ERAP2: variants seen among roughly 807,000 people sequenced by gnomAD.
ERAP2 encodes the protein leukocyte-derived arginine aminopeptidase.
ERAP2 carries 118 observed loss-of-function variants against 111.1 expected under a neutral mutation model. The observed-to-expected ratio is 1.06, with a 90% CI of 0.92 to 1.24. ERAP2 has a LOEUF of 1.24. ERAP2 is among the 50% of genes most tolerant of loss of function. The pLI is 0.00. For synonymous variants in ERAP2, 410 were observed against 401.2 expected (o/e 1.02, Z -0.26); for missense variants, 1,131 against 1,125.8 (o/e 1.00, Z -0.07).
chr5:96,907,439 T>C (rs1268666763), intron 13 of ERAP2, among the ~76,000 whole-genome samples: 1 of 152,262 alleles, frequency 6.6e-6, no homozygotes, highest in East Asian at 1.9e-4. Context: ...ATAAAGTAGT[T>C]TTAATATGTC....
chr5:96,887,610 G>T (rs1783894022), intron 4 of ERAP2, among the ~76,000 whole-genome samples: 1 of 151,988 alleles, frequency 6.6e-6, no homozygotes, highest in Non-Finnish European at 1.5e-5. Flanking sequence ...GTTTCCAACT[G>T]TTTTTTATAA....
chr5:96,883,659 A>T, intron 2 of ERAP2, 133 bp from the exon 3 acceptor site: 1 of 856,722 alleles, frequency 1.2e-6, no homozygotes, highest in Non-Finnish European at 1.8e-6. Flanking sequence ...GACAGTTGAG[A>T]TTCACAAAGA....
At chr5:96,905,775 T>C (rs1460767641) in intron 13 of ERAP2, among the ~76,000 whole-genome samples, 2 of 152,062 alleles carry the variant, frequency 1.3e-5, no homozygotes, top group East Asian at 3.9e-4. Context: ...TCCCAGCTAC[T>C]TGGGTGGCTG....
chr5:96,887,023 G>A lies in ERAP2; in HGVS notation c.849+234G>A, dbSNP rs1783800045. 2.0e-5 allele frequency among the ~76,000 whole-genome samples: 3 copies of A among 148,586 alleles called. No homozygotes were observed. In the Admixed American group the frequency reaches 2.0e-4, roughly 10 times the overall value. Reference sequence around the variant, plus strand: ...TATATGTATGTCAGCATATATGGGTGTACATAGTAACAGTATTTACTTACT... The same window carrying A: ...TATATGTATGTCAGCATATATGGGTATACATAGTAACAGTATTTACTTACT... On this transcript the variant is annotated intron_variant, in intron 4 of 18. Coordinates refer to ENST00000437043, the MANE Select transcript of ERAP2 (RefSeq NM_022350.5).
chr5:96,899,973 C>CT (rs1231496926), intron 9 of ERAP2, 148 bp from the exon 10 acceptor site: 4 of 958,624 alleles, frequency 4.2e-6, no homozygotes, highest in East Asian at 5.1e-5. Context: ...GCAAACATGC[C>CT]TTTTTTTCCA....
Position 96,917,632 on chromosome 5 carries a change from C to T in ERAP2, c.*27C>T, listed in dbSNP as rs370227654. 5.4e-5 allele frequency: 86 copies of T among 1,586,180 alleles called. No individual in the cohort carries two copies. Among genetic ancestry groups the T allele is most frequent in the Admixed American group, 1.0e-4 (6 of 58,298 alleles). On this transcript the variant is annotated 3_prime_UTR_variant, in exon 19 of 19. Coordinates refer to ENST00000437043, the MANE Select transcript of ERAP2 (RefSeq NM_022350.5). ...TGGTCAATAGAAAAAGTAGGCTGGGCGCGGTGGCTCACGCCTGTAATCCCA... is the reference window on the plus strand; with the variant it reads ...TGGTCAATAGAAAAAGTAGGCTGGGTGCGGTGGCTCACGCCTGTAATCCCA...
chr5:96,903,395 A>G lies in ERAP2; in HGVS notation c.1847A>G (p.Glu616Gly). ...KSKTDTLDLP[E>G]KTSWVKFNVD... ...CTCTTAGATACTCTGGATCTACCTG[A>G]AAAGACCAGTTGGGTGAAATTTAAT... The change falls in exon 13 of 19, where the codon GAA (glutamate) becomes GGA (glycine). Residue 616 changes from glutamate to glycine, a missense_variant. Transcript: ENST00000437043. The G allele has an allele frequency of 6.2e-7, 1 of 1,612,888 alleles. No homozygotes were observed. The highest frequency in any genetic ancestry group is 1.7e-5 in the Admixed American group (1 of 59,812).
chr5:96,887,563 G>A (rs1023381628), intron 4 of ERAP2, among the ~76,000 whole-genome samples: 1 of 152,136 alleles, frequency 6.6e-6, no homozygotes, highest in Non-Finnish European at 1.5e-5. Context: ...GCCTCCCAAA[G>A]TGTTGGGATT....
chr5:96,879,651 C>T lies in ERAP2; in HGVS notation c.-35C>T, dbSNP rs1405770821. The T allele has an allele frequency of 1.9e-5, 30 of 1,577,416 alleles. No homozygotes were observed. The highest frequency in any genetic ancestry group is 2.5e-5 in the Non-Finnish European group (29 of 1,149,320). On this transcript the variant is annotated 5_prime_UTR_variant, in exon 2 of 19. Coordinates refer to ENST00000437043, the MANE Select transcript of ERAP2 (RefSeq NM_022350.5). The stretch of plus-strand genomic sequence containing the variant: ...TGCCATGAAGAACTACGAGATTAGC[C>T]TGGATATTAACTTGTCTTCTAGAGA...
rs921528493 is a variant in ERAP2, at chr5:96,895,163, AGTT to A, written c.1126-82_1126-80del. On this transcript the variant is annotated intron_variant, in intron 6 of 18. Coordinates refer to ENST00000437043, the MANE Select transcript of ERAP2 (RefSeq NM_022350.5). ...GAGAGATCCTAACTAATAAAAAAAA[AGTT>A]AGTAACTATTGTATTTTTTGCTAAA... 8.4e-4 allele frequency: 655 copies of A among 776,066 alleles called. 5 individuals carry two copies. In the African/African-American group the frequency reaches 0.012, roughly 15 times the overall value. The allele number at this position is 776,066 out of a possible 1,614,324, so 48.1% of individuals were successfully genotyped here. A position where few individuals can be genotyped will look rare whatever the true frequency, so the allele number is the denominator to read the frequency against.
Position 96,879,783 on chromosome 5 carries a change from G to T in ERAP2, c.98G>T (p.Cys33Phe). 6.2e-7 allele frequency: 1 copy of T among 1,614,154 alleles called. No homozygotes were observed. The highest frequency in any genetic ancestry group is 8.5e-7 in the Non-Finnish European group (1 of 1,180,016). The change falls in exon 2 of 19, where the codon TGC becomes TTC. Residue 33 changes from cysteine (C) to phenylalanine (F), a missense_variant. By Grantham distance (205) the Cys-to-Phe change is radical. Around this residue, in one of 3 missense-constraint regions of ERAP2, gnomAD observed 847 missense variants for 856.5 expected, o/e 0.99. Coordinates refer to ENST00000437043, the MANE Select transcript of ERAP2 (RefSeq NM_022350.5). ...YCLTAILPQI[C>F]ICSQFSVPSS... ...TTAACAGCCATCTTGCCCCAAATATGCATTTGTTCTCAGTTCTCAGTGCCA... is the reference window on the plus strand; with the variant it reads ...TTAACAGCCATCTTGCCCCAAATATTCATTTGTTCTCAGTTCTCAGTGCCA...
chr5:96,885,583 T>C (rs1783634715), intron 3 of ERAP2, among the ~76,000 whole-genome samples: 1 of 152,336 alleles, frequency 6.6e-6, no homozygotes, highest in South Asian at 2.1e-4. Flanking sequence ...ATGGTAATGC[T>C]TCAAGCTATT....
intron 4 of ERAP2, among the ~76,000 whole-genome samples, chr5:96,888,158 G>GA (rs869172730): frequency 1.0e-5 from 1 of 97,376 alleles, no homozygotes. Context: ...AAGAATAAAA[G>GA]AAAAAAAAAG....
At chr5:96,895,431 GAAT>G in intron 7 of ERAP2, 72 bp downstream of exon 7, 1 of 1,109,490 alleles carries the variant, frequency 9.0e-7, no homozygotes, top group Non-Finnish European at 1.3e-6. Context: ...AATTTCAAGT[GAAT>G]GTTAAACAGA....
upstream of ERAP2, chr5:96,876,040 G>C (rs1289633190): frequency 2.0e-5 from 3 of 152,450 alleles, no homozygotes; most frequent in Non-Finnish European, 4.4e-5. Flanking sequence ...TGGAAAATCT[G>C]AGAATAATCA....
In ERAP2 at chr5:96,889,613, G is replaced by A. The variant is rs149275094; in HGVS notation, c.970+308G>A. 4,603 of 651,076 alleles carry A rather than the reference G, an allele frequency of 7.1e-3. 25 individuals carry two copies. Among genetic ancestry groups the A allele is most frequent in the Non-Finnish European group, 8.3e-3 (3,005 of 363,600 alleles). The allele number at this position is 651,076 out of a possible 1,614,324, so 40.3% of individuals were successfully genotyped here. A position where few individuals can be genotyped will look rare whatever the true frequency, so the allele number is the denominator to read the frequency against. ...GGCTGGGACGGAAGCCAGGTAGAGG[G>A]TCCAGGAAAGAGATGGGGAGAAAAA... On this transcript the variant is annotated intron_variant, in intron 5 of 18. Transcript: ENST00000437043.
rs201327810 is a variant in ERAP2, at chr5:96,889,330, T to C, written c.970+25T>C. On this transcript the variant is annotated intron_variant, in intron 5 of 18. Transcript: ENST00000437043. ...GGTATGTTCAAATTCCACATTATTG[T>C]CTTCATTTTTGCTCATAAAACTTGC... 1.0e-4 allele frequency: 165 copies of C among 1,613,530 alleles called. 2 individuals are homozygous for C. The Middle Eastern group carries it at 1.3e-3, about 13-fold the overall frequency.
At chr5:96,912,819 A>T (rs537846656) in intron 16 of ERAP2, 21 bp downstream of exon 16, 1 of 1,574,442 alleles carries the variant, frequency 6.4e-7, no homozygotes, top group African/African-American at 1.4e-5. Flanking sequence ...TAATTTAACT[A>T]AATTGTTATA....
At chr5:96,896,640 A>C (rs973769275) in intron 8 of ERAP2, 92 bp from the exon 9 acceptor site, 6 of 1,431,020 alleles carry the variant, frequency 4.2e-6, no homozygotes, top group Non-Finnish European at 4.7e-6. Flanking sequence ...CAGACATCAC[A>C]CATGTTCCGT....
Sources: allele counts gnomAD v4.1 joint callset (sites outside exome capture counted in the v4.1 genomes callset), GRCh38; gene constraint gnomAD v4.1.1; regional missense constraint gnomAD v4.1.1; transcripts MANE v1.5; gene names NCBI Gene and HGNC (gene_info 2026-07-23, HGNC 2026-07-21).